LRRC4C: variants seen among roughly 807,000 people sequenced by gnomAD.
The protein encoded by LRRC4C is leucine-rich repeat-containing protein 4C.
A neutral mutation model predicts 33.6 loss-of-function variants in LRRC4C; 5 were observed. The ratio of observed to expected loss-of-function variants is 0.15; its 90% CI spans 0.08 to 0.31. The LOEUF is 0.31. Among genes scored for constraint, LRRC4C ranks in the 10% least tolerant of loss-of-function variants. The probability of loss-of-function intolerance (pLI) is 1.00; values close to 1 mark genes in which losing one functional copy is unlikely to be tolerated. For missense variants in LRRC4C, 560 were observed against 796.7 expected (o/e 0.70, Z 3.58); for synonymous variants, 329 against 302.0 (o/e 1.09, Z -0.93).
intron 3 of LRRC4C, among the ~76,000 whole-genome samples, chr11:40,391,054 G>A (rs1949314695): frequency 6.6e-6 from 1 of 151,940 alleles, no homozygotes. Context: ...GCTTATATTT[G>A]TATTTTTAGT....
intron 2 of LRRC4C, among the ~76,000 whole-genome samples, chr11:40,931,965 A>G (rs1446187265): frequency 2.0e-5 from 3 of 152,138 alleles, no homozygotes; most frequent in Non-Finnish European, 4.4e-5. Context: ...GTTGAGAAAT[A>G]AGTTCTTAGC....
At chr11:40,432,740 G>A (rs1179194766) in intron 3 of LRRC4C, among the ~76,000 whole-genome samples, 6 of 152,118 alleles carry the variant, frequency 3.9e-5, no homozygotes, top group African/African-American at 1.4e-4. Context: ...TACTTTGGTT[G>A]ATTCAGTAGT....
At chr11:40,348,321 C>T (rs903458386) in intron 3 of LRRC4C, among the ~76,000 whole-genome samples, 12 of 151,504 alleles carry the variant, frequency 7.9e-5, no homozygotes, top group South Asian at 2.1e-4. Context: ...ACAAGGTATG[C>T]GTGCATCACC....
chr11:40,767,567 C>G (rs12280969), intron 2 of LRRC4C, among the ~76,000 whole-genome samples: 101,290 of 151,842 alleles, frequency 0.67, 34,513 homozygotes, highest in African/African-American at 0.73. Context: ...AAGACCACAT[C>G]TTCAGCCATA....
intron 2 of LRRC4C, among the ~76,000 whole-genome samples, chr11:40,797,133 G>T (rs913895465): frequency 2.6e-5 from 4 of 152,232 alleles, no homozygotes; most frequent in Admixed American, 2.6e-4. Context: ...GCTTAAGAAG[G>T]GAGATAATTA....
chr11:40,769,812 A>G (rs1167797879), intron 2 of LRRC4C, among the ~76,000 whole-genome samples: 1 of 152,196 alleles, frequency 6.6e-6, no homozygotes, highest in Non-Finnish European at 1.5e-5. Context: ...ATCTCTTGCC[A>G]TATACAAAAA....
At chr11:41,424,090 T>C (rs1954960192) in intron 1 of LRRC4C, 1 of 152,094 alleles carries the variant, frequency 6.6e-6, no homozygotes, top group Admixed American at 6.6e-5. Context: ...CAATCAGCAA[T>C]TCTTCATTTC....
intron 3 of LRRC4C, among the ~76,000 whole-genome samples, chr11:40,599,999 A>G (rs561063240): frequency 6.6e-6 from 1 of 152,326 alleles, no homozygotes; most frequent in East Asian, 1.9e-4. Context: ...CTTGATGACA[A>G]GTGAAGAATG....
chr11:40,365,558 T>C (rs1278381119), intron 3 of LRRC4C, among the ~76,000 whole-genome samples: 1 of 152,030 alleles, frequency 6.6e-6, no homozygotes, highest in Non-Finnish European at 1.5e-5. Context: ...GAAGGCAACT[T>C]TGGGGGGGCC....
intron 3 of LRRC4C, among the ~76,000 whole-genome samples, chr11:40,587,906 A>T (rs1372061247): frequency 6.6e-6 from 1 of 152,184 alleles, no homozygotes; most frequent in Non-Finnish European, 1.5e-5. Flanking sequence ...TTTTGTATCA[A>T]TGTTCCTCAG....
At chr11:40,499,828 G>T (rs578222357) in intron 3 of LRRC4C, among the ~76,000 whole-genome samples, 1 of 152,258 alleles carries the variant, frequency 6.6e-6, no homozygotes, top group East Asian at 1.9e-4. Context: ...CAACAACAAG[G>T]TTGGCCTCTG....
intron 4 of LRRC4C, among the ~76,000 whole-genome samples, chr11:40,305,385 AT>A (rs1351983648): frequency 6.6e-6 from 1 of 152,204 alleles, no homozygotes; most frequent in Non-Finnish European, 1.5e-5. Context: ...CACTCATAGA[AT>A]GGTACCAAGC....
intron 1 of LRRC4C, among the ~76,000 whole-genome samples, chr11:41,079,441 A>G (rs1939398346): frequency 6.6e-6 from 1 of 152,210 alleles, no homozygotes; most frequent in Non-Finnish European, 1.5e-5. Context: ...TAGTGTTGCT[A>G]TACTATTCAC....
chr11:41,380,733 A>G (rs1174502952), intron 1 of LRRC4C, among the ~76,000 whole-genome samples: 1 of 152,132 alleles, frequency 6.6e-6, no homozygotes, highest in East Asian at 1.9e-4. Context: ...ATTTAACTTG[A>G]GCCTCAGATT....
intron 2 of LRRC4C, among the ~76,000 whole-genome samples, chr11:40,824,138 A>C (rs1952058628): frequency 6.6e-6 from 1 of 151,898 alleles, no homozygotes; most frequent in Non-Finnish European, 1.5e-5. Flanking sequence ...AAAGACAGGG[A>C]GTAGAAATGG....
intron 4 of LRRC4C, among the ~76,000 whole-genome samples, chr11:40,287,276 G>GTGTGT (rs1399044989): frequency 3.2e-4 from 48 of 151,768 alleles, no homozygotes; most frequent in African/African-American, 1.2e-3. Context: ...GTGTGTGTGT[G>GTGTGT]TGTGTGTGTG....
At chr11:40,877,475 T>C (rs957696547) in intron 2 of LRRC4C, among the ~76,000 whole-genome samples, 10 of 152,114 alleles carry the variant, frequency 6.6e-5, no homozygotes, top group African/African-American at 2.4e-4. Flanking sequence ...CCACAGTGAC[T>C]CATTAATCCT....
chr11:41,302,316 T>G (rs1950309954), intron 1 of LRRC4C, among the ~76,000 whole-genome samples: 1 of 152,164 alleles, frequency 6.6e-6, no homozygotes, highest in Admixed American at 6.5e-5. Context: ...CATGCATTAC[T>G]CAGAAACAAG....
intron 2 of LRRC4C, among the ~76,000 whole-genome samples, chr11:40,897,606 C>A (rs1206260389): frequency 6.6e-6 from 1 of 152,056 alleles, no homozygotes; most frequent in East Asian, 1.9e-4. Context: ...TTTGCTTATC[C>A]AAAATGACTA....
Sources: allele counts gnomAD v4.1 joint callset (sites outside exome capture counted in the v4.1 genomes callset), GRCh38; gene constraint gnomAD v4.1.1; transcripts MANE v1.5; gene names NCBI Gene and HGNC (gene_info 2026-07-23, HGNC 2026-07-21).